Variants in CPT1C observed in about 807,000 individuals in gnomAD.
CPT1C encodes palmitoyl thioesterase CPT1C.
CPT1C carries 61 observed loss-of-function variants against 97.3 expected under a neutral mutation model. That is an observed-to-expected ratio of 0.63 (90% CI 0.51 to 0.78). CPT1C has a LOEUF of 0.78. CPT1C is among the 30% of genes least tolerant of loss of function. CPT1C has a pLI of 0.00. For synonymous variants in CPT1C, 469 were observed against 447.2 expected, an observed-to-expected ratio of 1.05 and a Z score of -0.61; for missense variants, 975 against 1,065.5, an observed-to-expected ratio of 0.92 and a Z score of 1.18.
Position 49,705,991 on chromosome 19 carries a change from A to T in CPT1C, c.1047A>T (p.Arg349=). ...GRFFRMGTHS[R]NSLLSPRALE... is the part of the protein sequence containing the mutation. The stretch of plus-strand genomic sequence containing the variant: ...TCTTCCGCATGGGGACCCACTCCCG[A>T]AACAGCCTGCTTTCCCCGAGAGCCC... Residue 349 remains arginine, a synonymous_variant, in exon 11 of 20, where the codon CGA becomes CGT. Coordinates refer to ENST00000598293, the MANE Select transcript of CPT1C (RefSeq NM_001199753.2). 1 of 1,613,984 alleles carries T rather than the reference A, an allele frequency of 6.2e-7. No homozygotes were observed. The highest frequency in any genetic ancestry group is 1.1e-5 in the South Asian group (1 of 91,058).
Position 49,710,499 on chromosome 19 carries a change from C to T in CPT1C, c.1731+15C>T. 6.2e-7 allele frequency: 1 copy of T among 1,614,096 alleles called. No homozygotes were observed. The highest frequency in any genetic ancestry group is 1.1e-5 in the South Asian group (1 of 91,074). On this transcript the variant is annotated intron_variant, in intron 15 of 19. Coordinates refer to ENST00000598293, the MANE Select transcript of CPT1C (RefSeq NM_001199753.2). ...CCCACTTCCGGGTCAGTTGGGTTCC[C>T]CATCCACAGCCCCCGCAGGGTCTCA...
chr19:49,700,643 G>T, intron 4 of CPT1C, 41 bp from the exon 5 acceptor site: 15 of 1,594,688 alleles, frequency 9.4e-6, no homozygotes, highest in Non-Finnish European at 1.3e-5. Context: ...AGGTTCTGAG[G>T]CCAGGAGACC....
rs1019515406 is a variant in CPT1C, at chr19:49,710,727, G to A, written c.1736G>A (p.Arg579Lys). The change falls in exon 16 of 20, where the codon AGG (arginine) becomes AAG (lysine). Residue 579 changes from arginine to lysine, a missense_variant. By Grantham distance (26) the Arg-to-Lys change is conservative. Around this residue, in one of 3 missense-constraint regions of CPT1C, gnomAD observed 344 missense variants for 395.7 expected, o/e 0.87. Coordinates refer to ENST00000598293, the MANE Select transcript of CPT1C (RefSeq NM_001199753.2). ...IALQLAHFRD[R>K]GQFCLTYESA... is the part of the protein sequence containing the mutation. ...CTTCTCCTCCCTGTCCCCCAGGACAGGGGTCAATTCTGCCTGACTTATGAG... is the reference window on the plus strand; with the variant it reads ...CTTCTCCTCCCTGTCCCCCAGGACAAGGGTCAATTCTGCCTGACTTATGAG... 1.1e-5 allele frequency: 17 copies of A among 1,612,154 alleles called. No homozygotes were observed. The highest frequency in any genetic ancestry group is 1.3e-5 in the African/African-American group (1 of 74,926).
rs146091196 is a variant in CPT1C at position 49,704,744 on chromosome 19, G to A, written c.728G>A (p.Arg243His). The A allele has an allele frequency of 1.1e-5, 17 of 1,613,824 alleles. No homozygotes were observed. The highest frequency in any genetic ancestry group is 5.3e-5 in the African/African-American group (4 of 74,830). Residue 243 changes from arginine (R) to histidine (H), a missense_variant, in exon 8 of 20, where the codon CGC becomes CAC. By Grantham distance (29) the Arg-to-His change is conservative. Around this residue, in one of 3 missense-constraint regions of CPT1C, gnomAD observed 596 missense variants for 603.1 expected, o/e 0.99. Coordinates refer to ENST00000598293, the MANE Select transcript of CPT1C (RefSeq NM_001199753.2). ...SDWWEEFVYL[R>H]SRNPLMVNSN... Reference sequence around the variant, plus strand: ...TGGTGGGAGGAATTTGTGTACCTGCGCTCCCGAAATCCGCTGATGGTGAAC... The same window carrying A: ...TGGTGGGAGGAATTTGTGTACCTGCACTCCCGAAATCCGCTGATGGTGAAC...
At position 49,700,772 on chromosome 19, in the gene CPT1C, G is replaced by A. The variant is rs763244007; in HGVS notation, c.370G>A (p.Val124Met). The change falls in exon 5 of 20, where the codon GTG (valine) becomes ATG (methionine). Residue 124 changes from valine (V) to methionine (M), a missense_variant. This residue lies in a region of CPT1C where 596 missense variants were observed against 603.1 expected (regional missense o/e 0.99). Transcript: ENST00000598293. ...LWGALIFTLHVALRLLLSYHG... is the reference protein window; with the variant it reads ...LWGALIFTLHMALRLLLSYHG... ...GGGAGCCCTGATCTTCACACTGCAC[G>A]TGGCCCTGAGGCTGCTTCTGTCCTA... 6 of 1,613,352 alleles carry A rather than the reference G, an allele frequency of 3.7e-6. No homozygotes were observed. The South Asian group carries it at 5.5e-5, about 15-fold the overall frequency.
chr19:49,704,828 G>A, intron 8 of CPT1C, 41 bp downstream of exon 8: 1 of 1,574,596 alleles, frequency 6.4e-7, no homozygotes, highest in African/African-American at 1.3e-5. Flanking sequence ...CCCAGGTCTA[G>A]GGTTGGGGGG....
intron 7 of CPT1C, 47 bp from the exon 8 acceptor site, chr19:49,704,663 C>A (rs1353302720): frequency 1.4e-6 from 2 of 1,480,158 alleles, no homozygotes; most frequent in Non-Finnish European, 1.9e-6. Context: ...GTCCCTCCCC[C>A]AACAGGCCCC....
chr19:49,694,566 T>C (rs1172272846), intron 3 of CPT1C, among the ~76,000 whole-genome samples: 2 of 150,200 alleles, frequency 1.3e-5, no homozygotes, highest in Admixed American at 1.3e-4. Context: ...GAGGCAGAGA[T>C]TGCAGTGAGC....
chr19:49,705,303 G>A lies in CPT1C; in HGVS notation c.964+5G>A, dbSNP rs773501847. The A allele has an allele frequency of 6.3e-7, 1 of 1,590,008 alleles. No homozygotes were observed. Among genetic ancestry groups the A allele is most frequent in the East Asian group, 2.3e-5 (1 of 44,428 alleles). Reference sequence around the variant, plus strand: ...GGATTCCAGGGGTCCAAAAAGGTGAGACCCTCTCCTGTCCCCACTGATGGA... The same window carrying A: ...GGATTCCAGGGGTCCAAAAAGGTGAAACCCTCTCCTGTCCCCACTGATGGA... On this transcript the variant is annotated splice_donor_5th_base_variant and intron_variant, in intron 10 of 19. Transcript: ENST00000598293.
rs1555779100 is a variant in CPT1C at position 49,702,026 on chromosome 19, T to TATATATTTATAATTTATAA, written c.693+395_693+396insTATTTATAATTTATAAATA. 2.1e-4 allele frequency among the ~76,000 whole-genome samples: 2 copies of TATATATTTATAATTTATAA among 9,640 alleles called. 1 individual carries two copies. The highest frequency in any genetic ancestry group is 6.9e-4 in the African/African-American group (2 of 2,886). The allele number at this position is 9,640 out of a possible 152,430, so 6.3% of individuals were successfully genotyped here. On this transcript the variant is annotated intron_variant, in intron 7 of 19. Transcript: ENST00000598293. ...ATATTAAATATATTTATTTATAAAT[T>TATATATTTATAATTTATAA]ATAAATATATATTTATTTATAAATT... is the stretch of plus-strand genomic sequence containing the variant.
intron 12 of CPT1C, 75 bp from the exon 13 acceptor site, chr19:49,707,440 CCCT>C (rs2083567122): frequency 2.0e-6 from 2 of 994,450 alleles, no homozygotes; most frequent in Non-Finnish European, 3.2e-6. Flanking sequence ...CTAGAAAACC[CCCT>C]CAAGTCCCAC....
At chr19:49,699,633 T>C (rs1467115233) in intron 4 of CPT1C, among the ~76,000 whole-genome samples, 1 of 152,070 alleles carries the variant, frequency 6.6e-6, no homozygotes, top group Non-Finnish European at 1.5e-5. Flanking sequence ...TTTAAGCTTG[T>C]ATTGGAATCA....
chr19:49,705,746 G>A (rs1003470966), intron 10 of CPT1C, among the ~76,000 whole-genome samples, 163 bp from the exon 11 acceptor site: 13 of 152,068 alleles, frequency 8.5e-5, no homozygotes, highest in Admixed American at 2.0e-4. Context: ...GCGACAGAGC[G>A]AGACCTTGTC....
rs752583030 is a variant in CPT1C, at chr19:49,710,273, C to A, written c.1567-47C>A. 8 of 1,590,922 alleles carry A rather than the reference C, an allele frequency of 5.0e-6. No individual in the cohort carries two copies. The African/African-American group carries it at 5.4e-5, about 11-fold the overall frequency. On this transcript the variant is annotated intron_variant, in intron 14 of 19. Transcript: ENST00000598293. ...AGCCTTATTCCTGGCTTTCACCCTA[C>A]CCCCATCTGTAACCCCAACTACTCC...
intron 7 of CPT1C, 111 bp downstream of exon 7, chr19:49,701,745 CG>C: frequency 1.6e-6 from 2 of 1,289,956 alleles, no homozygotes; most frequent in Non-Finnish European, 2.1e-6. Context: ...ACAACCCACA[CG>C]CCCCCAGCCC....
At chr19:49,692,143 C>A in intron 2 of CPT1C, 96 bp from the exon 3 acceptor site, 1 of 1,357,612 alleles carries the variant, frequency 7.4e-7, no homozygotes, top group Non-Finnish European at 1.0e-6. Context: ...GGCCTGGACT[C>A]CTGGGTATGA....
At position 49,711,937 on chromosome 19, in the gene CPT1C, C is replaced by A. The variant is rs758567289; in HGVS notation, c.1995C>A (p.His665Gln). The A allele has an allele frequency of 1.2e-6, 2 of 1,613,998 alleles. No individual in the cohort carries two copies. Among genetic ancestry groups the A allele is most frequent in the African/African-American group, 2.7e-5 (2 of 74,944 alleles). The change falls in exon 17 of 20, where the codon CAC becomes CAA. Residue 665 changes from histidine (H) to glutamine (Q), a missense_variant. By Grantham distance (24) the His-to-Gln change is conservative. Coordinates refer to ENST00000598293, the MANE Select transcript of CPT1C (RefSeq NM_001199753.2). ...TGTACATCGTGTCCCGATTCCTCCA[C>A]CTGCAGTCGCCCTTCCTGACCCAGG... Reference protein sequence around the residue: ...FALYIVSRFLHLQSPFLTQVH... With the variant: ...FALYIVSRFLQLQSPFLTQVH...
At chr19:49,694,215 AGAT>A (rs2082527828) in intron 3 of CPT1C, among the ~76,000 whole-genome samples, 3 of 152,214 alleles carry the variant, frequency 2.0e-5, no homozygotes, top group African/African-American at 7.2e-5. Context: ...GCAATAAAAC[AGAT>A]GAGCAAAATA....
chr19:49,695,085 G>A (rs1240912695), intron 3 of CPT1C, among the ~76,000 whole-genome samples: 1 of 151,780 alleles, frequency 6.6e-6, no homozygotes, highest in East Asian at 2.0e-4. Context: ...AGCTTGCAGT[G>A]AGCCGAGATC....
Sources: allele counts gnomAD v4.1 joint callset (sites outside exome capture counted in the v4.1 genomes callset), GRCh38; gene constraint gnomAD v4.1.1; regional missense constraint gnomAD v4.1.1; transcripts MANE v1.5; gene names NCBI Gene and HGNC (gene_info 2026-07-23, HGNC 2026-07-21).